RBM25: variants seen among roughly 807,000 people sequenced by gnomAD.
RBM25 encodes RNA binding motif protein 25.
In RBM25, 19 loss-of-function variants were observed where a neutral mutation model predicts 120.7. The observed-to-expected ratio is 0.16, with a 90% CI of 0.11 to 0.23. The LOEUF is 0.23. Ranked by LOEUF, RBM25 falls within the 10% of genes least tolerant of loss-of-function variation. The probability of loss-of-function intolerance (pLI) is 1.00; values close to 1 mark genes in which losing one functional copy is unlikely to be tolerated. For synonymous variants in RBM25, 390 were observed against 326.7 expected, an observed-to-expected ratio of 1.19 and a Z score of -2.09; for missense variants, 605 against 1,041.5, an observed-to-expected ratio of 0.58 and a Z score of 5.77.
chr14:73,104,506 C>T (rs1896138296), intron 10 of RBM25, among the ~76,000 whole-genome samples: 1 of 151,850 alleles, frequency 6.6e-6, no homozygotes, highest in Non-Finnish European at 1.5e-5. Context: ...ACTGGGACTA[C>T]AGGCACACAC....
At chr14:73,087,082 T>TAGTAGTAGTTTAATACTATTTTA (rs1895704035) in intron 5 of RBM25, among the ~76,000 whole-genome samples, 3 of 151,986 alleles carry the variant, frequency 2.0e-5, no homozygotes, top group African/African-American at 7.3e-5. Context: ...ACTATTTTAA[T>TAGTAGTAGTTTAATACTATTTTA]ATCAGTAGTT....
chr14:73,119,879 T>C lies in RBM25; in HGVS notation c.*74T>C. The stretch of plus-strand genomic sequence containing the variant: ...TTTAAGGACTTTGAATTTTTCTTTG[T>C]CTTTGAAGACATTGTGAGATCTGTA... On this transcript the variant is annotated 3_prime_UTR_variant, in exon 19 of 19. Transcript: ENST00000261973. 1.3e-6 allele frequency: 2 copies of C among 1,537,018 alleles called. No homozygotes were observed. The highest frequency in any genetic ancestry group is 1.7e-6 in the Non-Finnish European group (2 of 1,154,192).
In RBM25 at chr14:73,121,962, T is replaced by A. The variant is rs1276152022; in HGVS notation, c.*2157T>A. On this transcript the variant is annotated 3_prime_UTR_variant, in exon 19 of 19. Transcript: ENST00000261973. ...AGAGTGAAAATTGTTACAGTAAATG[T>A]GGTAGAAACTGTTAATCGCTTAATG... 6.6e-6 allele frequency: 1 copy of A among 152,216 alleles called. No individual in the cohort carries two copies. Among genetic ancestry groups the A allele is most frequent in the African/African-American group, 2.4e-5 (1 of 41,452 alleles). 9.4% of individuals were successfully genotyped at this position (152,216 alleles called of 1,614,324 possible). A position where few individuals can be genotyped will look rare whatever the true frequency, so the allele number is the denominator to read the frequency against.
intron 6 of RBM25, 64 bp downstream of exon 6, chr14:73,088,225 A>G (rs533756582): frequency 1.3e-6 from 2 of 1,575,344 alleles, no homozygotes; most frequent in East Asian, 2.2e-5. Context: ...AGTGCTTCTC[A>G]TTATAAATGA....
At chr14:73,063,407 C>T (rs912065885) in intron 1 of RBM25, among the ~76,000 whole-genome samples, 3 of 151,330 alleles carry the variant, frequency 2.0e-5, no homozygotes, top group African/African-American at 7.3e-5. Context: ...CCTCGGCCTC[C>T]CAAAGTGCTG....
Position 73,080,947 on chromosome 14 carries a change from C to T in RBM25, c.325-2547C>T, listed in dbSNP as rs1444029604. Among the ~76,000 whole-genome samples, 6 of 151,078 alleles carry T rather than the reference C, an allele frequency of 4.0e-5. No homozygotes were observed. In the South Asian group the frequency reaches 1.3e-3, roughly 32 times the overall value. On this transcript the variant is annotated intron_variant, in intron 4 of 18. Coordinates refer to ENST00000261973, the MANE Select transcript of RBM25 (RefSeq NM_021239.3). ...TCAAGCAATTCTCCTGCCTTAGCCT[C>T]CCGAGTAGCTGGGATTATGGATGCC...
In RBM25 at chr14:73,094,774, C is replaced by T. The variant is rs531355856; in HGVS notation, c.544-2141C>T. On this transcript the variant is annotated intron_variant, in intron 6 of 18. Transcript: ENST00000261973. ...AACTCCTGACCTTGTGATCCGCCCG[C>T]CTCAGCCTCCCAAAATGCTGGGATT... Among the ~76,000 whole-genome samples, 77 of 152,026 alleles carry T rather than the reference C, an allele frequency of 5.1e-4. No homozygotes were observed. The South Asian group carries it at 5.8e-3, about 12-fold the overall frequency.
intron 2 of RBM25, among the ~76,000 whole-genome samples, chr14:73,074,158 G>A (rs138332233): frequency 4.7e-4 from 71 of 152,252 alleles, no homozygotes; most frequent in African/African-American, 1.4e-3. Context: ...TCTTTGGTCC[G>A]TATATCCTGA....
intron 4 of RBM25, among the ~76,000 whole-genome samples, chr14:73,080,811 TTTTC>T (rs987266446): frequency 1.1e-4 from 17 of 149,720 alleles, no homozygotes; most frequent in Non-Finnish European, 2.2e-4. Context: ...CTTTGGTTTG[TTTTC>T]TTTCTTTCTT....
At chr14:73,079,999 C>T (rs1235711231) in intron 4 of RBM25, among the ~76,000 whole-genome samples, 1 of 150,088 alleles carries the variant, frequency 6.7e-6, no homozygotes, top group Non-Finnish European at 1.5e-5. Context: ...TGTGTTTGCT[C>T]CTGTCTGCTT....
At chr14:73,067,800 A>G (rs1343162253) in intron 1 of RBM25, among the ~76,000 whole-genome samples, 1 of 149,358 alleles carries the variant, frequency 6.7e-6, no homozygotes, top group East Asian at 2.0e-4. Context: ...TTTAGTAGAG[A>G]CGGGGTTTCA....
chr14:73,059,399 C>T (rs1401603684), intron 1 of RBM25: 2 of 152,204 alleles, frequency 1.3e-5, no homozygotes, highest in Non-Finnish European at 2.9e-5. Context: ...CTAAGCTCCA[C>T]ATTAAAATGT....
chr14:73,062,194 TC>T (rs1895019723), intron 1 of RBM25, among the ~76,000 whole-genome samples: 1 of 151,574 alleles, frequency 6.6e-6, no homozygotes, highest in African/African-American at 2.4e-5. Context: ...CAGAAAAAGA[TC>T]AACTCTTTTT....
At chr14:73,091,311 C>T (rs1367536493) in intron 6 of RBM25, among the ~76,000 whole-genome samples, 5 of 152,108 alleles carry the variant, frequency 3.3e-5, no homozygotes, top group Non-Finnish European at 5.9e-5. Context: ...ACTGCAACCT[C>T]CTATTCCCAG....
chr14:73,106,377 C>CATTTCAATT, intron 12 of RBM25, 92 bp downstream of exon 12: 1 of 1,005,656 alleles, frequency 9.9e-7, no homozygotes, highest in Non-Finnish European at 1.4e-6. Flanking sequence ...AATTGAAATG[C>CATTTCAATT]ACAAGCTTCT....
At chr14:73,117,511 G>T (rs1437377544) in intron 18 of RBM25, among the ~76,000 whole-genome samples, 1 of 152,056 alleles carries the variant, frequency 6.6e-6, no homozygotes, top group Non-Finnish European at 1.5e-5. Context: ...GATTACAGGC[G>T]TGAGCCACTG....
chr14:73,072,191 C>T (rs545028487), intron 2 of RBM25, among the ~76,000 whole-genome samples: 6 of 152,088 alleles, frequency 3.9e-5, no homozygotes, highest in South Asian at 2.1e-4. Flanking sequence ...AGGCTGGTCT[C>T]GAACTCTTGG....
rs1218504405 is a variant in RBM25, at chr14:73,107,674, T to C, written c.1468-152T>C. 3.9e-5 allele frequency: 25 copies of C among 634,160 alleles called. No individual in the cohort carries two copies. In the East Asian group the frequency reaches 6.3e-4, roughly 16 times the overall value. 39.3% of individuals were successfully genotyped at this position (634,160 alleles called of 1,614,324 possible). A position where few individuals can be genotyped will look rare whatever the true frequency, so the allele number is the denominator to read the frequency against. On this transcript the variant is annotated intron_variant, in intron 12 of 18. Transcript: ENST00000261973. ...TTTCATTTATTGAAACGGCCATGTT[T>C]GTCTTAAAATTATGTGAAGAGAAAT...
chr14:73,067,067 A>ATTTTTT (rs375705058), intron 1 of RBM25, among the ~76,000 whole-genome samples: 1 of 131,198 alleles, frequency 7.6e-6, no homozygotes, highest in Non-Finnish European at 1.6e-5. Flanking sequence ...GATACATATA[A>ATTTTTT]TTTTTTTTTT....
Sources: gnomAD v4.1 joint callset for allele counts (sites outside exome capture counted in the v4.1 genomes callset) on GRCh38, gnomAD v4.1.1 for gene constraint, MANE v1.5 for transcripts, NCBI Gene and HGNC (gene_info 2026-07-23, HGNC 2026-07-21) for gene names.